Variants in PRSS55 observed in about 807,000 individuals in gnomAD.
PRSS55 encodes serine protease 55.
Under a neutral mutation model 23.6 loss-of-function variants are expected in PRSS55, and 41 were observed. The observed-to-expected ratio is 1.74, with a 90% CI of 1.35 to 2.26. The LOEUF is 2.26. PRSS55 is among the 30% of genes most tolerant of loss of function. The probability of loss-of-function intolerance (pLI) is 0.00; values close to 1 mark genes in which losing one functional copy is unlikely to be tolerated. For synonymous variants in PRSS55, 262 were observed against 175.5 expected, an observed-to-expected ratio of 1.49 and a Z score of -3.90; for missense variants, 669 against 439.1, an observed-to-expected ratio of 1.52 and a Z score of -4.68.
intron 4 of PRSS55, among the ~76,000 whole-genome samples, chr8:10,537,444 G>A (rs535583019): frequency 3.0e-4 from 46 of 152,258 alleles, no homozygotes; most frequent in African/African-American, 1.1e-3. Context: ...AAGAATGATG[G>A]TTACCAGAGG....
chr8:10,525,867 T>C, intron 1 of PRSS55, 128 bp downstream of exon 1: 2 of 1,014,774 alleles, frequency 2.0e-6, no homozygotes, highest in Non-Finnish European at 2.8e-6. Context: ...TCCAAACCAC[T>C]TGTCCTTTCT....
At chr8:10,544,606 C>A (rs1024860572) in intron 4 of PRSS55, among the ~76,000 whole-genome samples, 1 of 152,058 alleles carries the variant, frequency 6.6e-6, no homozygotes, top group Non-Finnish European at 1.5e-5. Flanking sequence ...CCTTTATAGC[C>A]TTTTGTGTCA....
chr8:10,537,822 C>T (rs925284269), intron 4 of PRSS55, among the ~76,000 whole-genome samples: 1 of 152,184 alleles, frequency 6.6e-6, no homozygotes, highest in Non-Finnish European at 1.5e-5. Flanking sequence ...GCCCTTTCTC[C>T]TCCTGCAGGC....
intron 4 of PRSS55, chr8:10,544,865 ATACC>A (rs1321655933): frequency 3.1e-6 from 1 of 321,430 alleles, no homozygotes; most frequent in African/African-American, 2.2e-5. Flanking sequence ...AAATCCAAAA[ATACC>A]TCACTATAAT....
chr8:10,538,844 G>A (rs373362825), downstream of PRSS55: 55 of 1,480,648 alleles, frequency 3.7e-5, no homozygotes, highest in Admixed American at 1.1e-4. Context: ...ATGCAAGTGC[G>A]TCTCCAGCAG....
downstream of PRSS55, chr8:10,538,904 C>G: frequency 8.8e-7 from 1 of 1,138,308 alleles, no homozygotes. Flanking sequence ...AGGCTGGGAC[C>G]AGGAGGACCA....
intron 2 of PRSS55, 36 bp from the exon 3 acceptor site, chr8:10,531,248 ACTTCCCTTCCC>A (rs774148293): frequency 1.2e-6 from 2 of 1,603,980 alleles, no homozygotes. Flanking sequence ...CGCTTTTGAG[ACTTCCCTTCCC>A]CTTCCACTTG....
intron 4 of PRSS55, chr8:10,553,862 G>A (rs570059259): frequency 3.3e-6 from 3 of 897,330 alleles, no homozygotes; most frequent in East Asian, 2.7e-5. Context: ...ATTTCACAAT[G>A]TATACATAAA....
At chr8:10,538,454 G>A (rs1218209530) in intron 4 of PRSS55, 22 bp from the exon 5 acceptor site, 2 of 1,576,448 alleles carry the variant, frequency 1.3e-6, no homozygotes, top group Admixed American at 1.7e-5. Flanking sequence ...ACTCCCTGCT[G>A]AGCTGTGTTC....
At chr8:10,537,470 G>A (rs972718747) in intron 4 of PRSS55, among the ~76,000 whole-genome samples, 9 of 152,154 alleles carry the variant, frequency 5.9e-5, no homozygotes, top group African/African-American at 2.2e-4. Context: ...GAGGAAAGCA[G>A]GTGGGGACTC....
chr8:10,536,980 TACTC>T (rs1812477985), intron 4 of PRSS55, among the ~76,000 whole-genome samples: 1 of 152,212 alleles, frequency 6.6e-6, no homozygotes, highest in Admixed American at 6.5e-5. Flanking sequence ...GCATGCAATT[TACTC>T]ACATAACAAA....
At position 10,531,449 on chromosome 8, in the gene PRSS55, C is replaced by G. The variant is rs756013102; in HGVS notation, c.502C>G (p.Leu168Val). 57 of 1,614,102 alleles carry G rather than the reference C, an allele frequency of 3.5e-5. No individual in the cohort carries two copies. The highest frequency in any genetic ancestry group is 4.3e-5 in the Non-Finnish European group (51 of 1,180,064). ...ALLLLASPIK[L>V]DDLKVPICLP... Reference sequence around the variant, plus strand: ...GCTGCTGCTGGCTTCGCCCATCAAGCTCGATGACCTGAAGGTGCCCATCTG... The same window carrying G: ...GCTGCTGCTGGCTTCGCCCATCAAGGTCGATGACCTGAAGGTGCCCATCTG... Residue 168 changes from leucine to valine, a missense_variant, in exon 3 of 5, where the codon CTC (leucine) becomes GTC (valine). Transcript: ENST00000328655.
chr8:10,548,391 G>C (rs906433833), intron 4 of PRSS55, among the ~76,000 whole-genome samples: 2 of 152,150 alleles, frequency 1.3e-5, no homozygotes, highest in African/African-American at 4.8e-5. Flanking sequence ...GCTGGCTGGA[G>C]CCTTCCAGGA....
chr8:10,525,532 A>G lies in PRSS55; in HGVS notation c.-54A>G. The G allele has an allele frequency of 6.3e-7, 1 of 1,575,826 alleles. No individual in the cohort carries two copies. The highest frequency in any genetic ancestry group is 1.2e-5 in the South Asian group (1 of 85,992). The stretch of plus-strand genomic sequence containing the variant: ...ATCTGAGCTGGAGGCTCTCAGCCTC[A>G]CTGCCTCAGCCCTGGCCTCTGTCAC... On this transcript the variant is annotated 5_prime_UTR_variant, in exon 1 of 5. Transcript: ENST00000328655.
chr8:10,530,338 G>A (rs756743778), intron 2 of PRSS55, among the ~76,000 whole-genome samples: 20 of 152,318 alleles, frequency 1.3e-4, no homozygotes, highest in South Asian at 2.1e-4. Flanking sequence ...AGCTGGGCGC[G>A]GTGGCGTGCG....
chr8:10,526,061 C>G (rs1228879429), intron 1 of PRSS55, among the ~76,000 whole-genome samples: 4 of 152,152 alleles, frequency 2.6e-5, no homozygotes, highest in Non-Finnish European at 5.9e-5. Context: ...CCATCAGCAC[C>G]AGGCTTCCAG....
In PRSS55 at chr8:10,529,561, G is replaced by C. The variant is rs147885831; in HGVS notation, c.209G>C (p.Gly70Ala). The C allele has an allele frequency of 3.6e-4, 575 of 1,614,198 alleles. No homozygotes were observed. In the African/African-American group the frequency reaches 5.5e-3, roughly 15 times the overall value. The change falls in exon 2 of 5, where the codon GGG (glycine) becomes GCG (alanine). Residue 70 changes from glycine to alanine, a missense_variant. Gly to Ala is a moderately conservative substitution (Grantham distance 60, BLOSUM62 0). Coordinates refer to ENST00000328655, the MANE Select transcript of PRSS55 (RefSeq NM_198464.4). ...AGAACTCGGTATTCCAGAATCACAG[G>C]GGGGATGGAGGCGGAGGTGGGTGAG... The part of the protein sequence containing the change: ...EGRTRYSRIT[G>A]GMEAEVGEFP...
At chr8:10,544,079 A>C (rs34999153) in intron 4 of PRSS55, among the ~76,000 whole-genome samples, 86,711 of 152,008 alleles carry the variant, frequency 0.57, 25,702 homozygotes, top group South Asian at 0.74. Flanking sequence ...TATCCTTGTT[A>C]ATCTTCTGTA....
At chr8:10,536,887 T>C (rs913000968) in intron 4 of PRSS55, among the ~76,000 whole-genome samples, 10 of 152,066 alleles carry the variant, frequency 6.6e-5, no homozygotes, top group African/African-American at 2.4e-4. Context: ...ATGAAGAGGG[T>C]AAGTAAGGTA....
Sources: allele counts gnomAD v4.1 joint callset (sites outside exome capture counted in the v4.1 genomes callset), GRCh38; gene constraint gnomAD v4.1.1; transcripts MANE v1.5; gene names NCBI Gene and HGNC (gene_info 2026-07-23, HGNC 2026-07-21).